LHPP: variants seen among roughly 807,000 people sequenced by gnomAD.
LHPP encodes the protein hLHPP.
Under a neutral mutation model 30.3 loss-of-function variants are expected in LHPP, and 24 were observed. That is an observed-to-expected ratio of 0.79 (90% CI 0.57 to 1.11). The LOEUF is 1.11. Among genes scored for constraint, LHPP ranks in the 50% most tolerant of loss-of-function variants. The pLI is 0.00. For synonymous variants in LHPP, 150 were observed against 157.1 expected, an observed-to-expected ratio of 0.95 and a Z score of 0.34; for missense variants, 356 against 367.2, an observed-to-expected ratio of 0.97 and a Z score of 0.25.
At position 124,476,223 on chromosome 10, in the gene LHPP, C is replaced by T. The variant is rs149109637; in HGVS notation, c.126-7916C>T. Among the ~76,000 whole-genome samples, 612 of 152,260 alleles carry T rather than the reference C, an allele frequency of 4.0e-3. 1 individual carries two copies. The highest frequency in any genetic ancestry group is 0.014 in the African/African-American group (584 of 41,548). ...AGGCCCAGCTAGGTCCCAGCTCCTG[C>T]GTCACTGTGTCTCTTCTCTCCATTC... is the stretch of plus-strand genomic sequence containing the variant. On this transcript the variant is annotated intron_variant, in intron 1 of 6. Transcript: ENST00000368842.
At chr10:124,487,442 CTT>C (rs140426240) in intron 2 of LHPP, among the ~76,000 whole-genome samples, 17,815 of 107,050 alleles carry the variant, frequency 0.17, 1,051 homozygotes, top group African/African-American at 0.27. Context: ...TTCTTTCTTT[CTT>C]TTTTTTTTTT....
intron 6 of LHPP, among the ~76,000 whole-genome samples, chr10:124,548,005 G>A (rs1428807757): frequency 2.6e-5 from 4 of 152,268 alleles, no homozygotes; most frequent in South Asian, 2.1e-4. Flanking sequence ...CTGGGCCGGG[G>A]TGTGTTTGCT....
chr10:124,609,507 G>A (rs1341237232), intron 6 of LHPP, among the ~76,000 whole-genome samples: 1 of 152,236 alleles, frequency 6.6e-6, no homozygotes, highest in Non-Finnish European at 1.5e-5. Flanking sequence ...GCCTCCCAAA[G>A]TGCTAGGATG....
chr10:124,600,214 C>A (rs1949003713), intron 6 of LHPP, among the ~76,000 whole-genome samples: 1 of 152,224 alleles, frequency 6.6e-6, no homozygotes, highest in South Asian at 2.1e-4. Flanking sequence ...TGATGGGTCC[C>A]CTGTCAGACC....
chr10:124,512,129 G>A (rs769897530), intron 5 of LHPP, among the ~76,000 whole-genome samples: 2 of 152,160 alleles, frequency 1.3e-5, no homozygotes, highest in Admixed American at 6.5e-5. Flanking sequence ...CGTGAGCTCC[G>A]TAAGTGCTGG....
At chr10:124,545,035 G>C (rs1955299236) in intron 6 of LHPP, among the ~76,000 whole-genome samples, 1 of 152,168 alleles carries the variant, frequency 6.6e-6, no homozygotes, top group Non-Finnish European at 1.5e-5. Flanking sequence ...GCTTTGAGCT[G>C]AGTGAAGGAG....
chr10:124,613,462 C>T lies in LHPP; in HGVS notation c.*102C>T. The T allele has an allele frequency of 2.6e-6, 2 of 771,916 alleles. No homozygotes were observed. The highest frequency in any genetic ancestry group is 3.2e-5 in the South Asian group (2 of 63,298). 47.8% of individuals were successfully genotyped at this position (771,916 alleles called of 1,614,324 possible). The stretch of plus-strand genomic sequence containing the variant: ...CTCCACCCGCCCAGGAGAGCCCCAC[C>T]TCCTCCACCCCTGCCTCTCCTCCAC... On this transcript the variant is annotated 3_prime_UTR_variant, in exon 7 of 7. Coordinates refer to ENST00000368842, the MANE Select transcript of LHPP (RefSeq NM_022126.4).
chr10:124,522,347 C>T (rs1054167795), intron 6 of LHPP, among the ~76,000 whole-genome samples: 1 of 152,214 alleles, frequency 6.6e-6, no homozygotes, highest in Non-Finnish European at 1.5e-5. Context: ...CCTCGAGGTC[C>T]CATCCAGCCA....
intron 6 of LHPP, among the ~76,000 whole-genome samples, chr10:124,607,468 C>A (rs990184942): frequency 1.3e-5 from 2 of 152,260 alleles, no homozygotes; most frequent in Non-Finnish European, 2.9e-5. Flanking sequence ...TTAGTGGATT[C>A]TTGAATTTAA....
chr10:124,585,101 T>C (rs1194490658), intron 6 of LHPP, among the ~76,000 whole-genome samples: 1 of 152,150 alleles, frequency 6.6e-6, no homozygotes, highest in Non-Finnish European at 1.5e-5. Context: ...TAGAGAGAAA[T>C]TTGAAACACT....
intron 6 of LHPP, among the ~76,000 whole-genome samples, chr10:124,533,405 C>G (rs1954945202): frequency 6.6e-6 from 1 of 152,158 alleles, no homozygotes; most frequent in African/African-American, 2.4e-5. Flanking sequence ...AAGTTTGTGT[C>G]CTCGGATGGG....
At chr10:124,578,026 G>C (rs1004323470) in intron 6 of LHPP, among the ~76,000 whole-genome samples, 1 of 152,152 alleles carries the variant, frequency 6.6e-6, no homozygotes. Context: ...TCTATGCCAG[G>C]TGTGCTAGAG....
chr10:124,569,682 T>C (rs1009433513), intron 6 of LHPP, among the ~76,000 whole-genome samples: 3 of 152,112 alleles, frequency 2.0e-5, no homozygotes, highest in African/African-American at 7.2e-5. Flanking sequence ...ACAGAGATGG[T>C]CACCTGCCAC....
chr10:124,589,782 G>A (rs562579285), intron 6 of LHPP, among the ~76,000 whole-genome samples: 1 of 152,326 alleles, frequency 6.6e-6, no homozygotes, highest in Non-Finnish European at 1.5e-5. Flanking sequence ...CTCTCGTTCA[G>A]GCCTGCAGGG....
At chr10:124,538,337 C>G (rs1955090815) in intron 6 of LHPP, among the ~76,000 whole-genome samples, 1 of 152,238 alleles carries the variant, frequency 6.6e-6, no homozygotes, top group Non-Finnish European at 1.5e-5. Flanking sequence ...TGCCTTTCCA[C>G]TTCCTGGCAG....
chr10:124,611,807 C>T (rs745535595), intron 6 of LHPP, among the ~76,000 whole-genome samples: 3 of 152,010 alleles, frequency 2.0e-5, no homozygotes, highest in East Asian at 3.9e-4. Flanking sequence ...TTTTAGATGA[C>T]GTGAGAACCA....
intron 6 of LHPP, among the ~76,000 whole-genome samples, chr10:124,591,675 G>A (rs1948883601): frequency 6.6e-6 from 1 of 151,890 alleles, no homozygotes; most frequent in Non-Finnish European, 1.5e-5. Context: ...GAGCTTCAGT[G>A]ATCAATTTCA....
At chr10:124,581,240 C>A (rs1189000985) in intron 6 of LHPP, among the ~76,000 whole-genome samples, 3 of 152,162 alleles carry the variant, frequency 2.0e-5, no homozygotes, top group Non-Finnish European at 4.4e-5. Flanking sequence ...GACTTCATTT[C>A]TTTTTATGGC....
At chr10:124,507,156 TGG>T (rs1554884097) in intron 5 of LHPP, among the ~76,000 whole-genome samples, 2 of 56,132 alleles carry the variant, frequency 3.6e-5, no homozygotes, top group African/African-American at 1.5e-4. Flanking sequence ...GGATTTCAGG[TGG>T]GAGGGTAGGC....
Sources: gnomAD v4.1 joint callset for allele counts (sites outside exome capture counted in the v4.1 genomes callset) on GRCh38, gnomAD v4.1.1 for gene constraint, MANE v1.5 for transcripts, NCBI Gene and HGNC (gene_info 2026-07-23, HGNC 2026-07-21) for gene names.